The following MTCL3 variants were observed in gnomAD, a reference collection of about 807,000 sequenced individuals.
The protein encoded by MTCL3 is microtubule cross-linking factor 3.
chr6:127,515,889 G>A, the MTCL3 span: 2 of 1,611,788 alleles, frequency 1.2e-6, no homozygotes, highest in Non-Finnish European at 1.7e-6. The surrounding 1 kb of genome is among the most constrained non-coding windows in gnomAD (Gnocchi z 4.3). Context: ...CACCACCGCT[G>A]CCGCCCCCCG....
chr6:127,516,549 G>A, the MTCL3 span: 1 of 1,598,794 alleles, frequency 6.3e-7, no homozygotes, highest in Middle Eastern at 1.7e-4. Context: ...GAGCCTCAGT[G>A]GCTGCAGCGG....
chr6:127,516,883 GT>G, the MTCL3 span, among the ~76,000 whole-genome samples: 1 of 152,174 alleles, frequency 6.6e-6, no homozygotes, highest in African/African-American at 2.4e-5. Context: ...GGGTGGCGCT[GT>G]CTCCATCTCA....
chr6:127,505,672 TA>T, the MTCL3 span, among the ~76,000 whole-genome samples: 2 of 152,026 alleles, frequency 1.3e-5, no homozygotes, highest in African/African-American at 2.4e-5. Context: ...ACTTAAAAGT[TA>T]AAAAATAAAA....
the MTCL3 span, chr6:127,475,238 C>G: frequency 6.6e-7 from 1 of 1,520,090 alleles, no homozygotes; most frequent in African/African-American, 1.4e-5. The surrounding 1 kb of genome is among the most constrained non-coding windows in gnomAD (Gnocchi z 7.3). Flanking sequence ...CCCAGGGACG[C>G]GGCTCCACGG....
At chr6:127,490,328 G>A in the MTCL3 span, among the ~76,000 whole-genome samples, 152 of 152,264 alleles carry the variant, frequency 1.0e-3, 3 homozygotes, top group African/African-American at 3.6e-3. Context: ...GGAGACTAAT[G>A]TTCTTTTCAT....
chr6:127,497,317 C>T, the MTCL3 span, among the ~76,000 whole-genome samples: 1 of 152,102 alleles, frequency 6.6e-6, no homozygotes, highest in Non-Finnish European at 1.5e-5. Context: ...AATATTCAAA[C>T]AAGTAGGAAT....
the MTCL3 span, among the ~76,000 whole-genome samples, chr6:127,497,896 C>G: frequency 6.6e-6 from 1 of 152,038 alleles, no homozygotes; most frequent in Non-Finnish European, 1.5e-5. Flanking sequence ...GATCCACATG[C>G]AAAAAGATGA....
chr6:127,515,800 G>A, the MTCL3 span: 1 of 1,608,794 alleles, frequency 6.2e-7, no homozygotes, highest in Non-Finnish European at 8.5e-7. The surrounding 1 kb of genome is among the most constrained non-coding windows in gnomAD (Gnocchi z 4.3). Flanking sequence ...CGCGGCCGCC[G>A]CCGCTGCCGC....
At chr6:127,475,536 G>T in the MTCL3 span, 1 of 1,612,586 alleles carries the variant, frequency 6.2e-7, no homozygotes, top group Non-Finnish European at 8.5e-7. This position sits in a 1 kb window ranked among gnomAD's most constrained non-coding sequence, Gnocchi z 7.3. Flanking sequence ...CGATGAGCCG[G>T]TCGATGGTCT....
chr6:127,475,188 C>T, the MTCL3 span: 1 of 1,277,056 alleles, frequency 7.8e-7, no homozygotes, highest in Non-Finnish European at 1.1e-6. This position sits in a 1 kb window ranked among gnomAD's most constrained non-coding sequence, Gnocchi z 7.3. Flanking sequence ...GCGGGGGCTT[C>T]CCTCAAGCGG....
chr6:127,479,015 T>TAAAAAAAAAAAAA, the MTCL3 span, among the ~76,000 whole-genome samples: 1 of 52,332 alleles, frequency 1.9e-5, no homozygotes, highest in Non-Finnish European at 3.7e-5. Context: ...AGACTCCATC[T>TAAAAAAAAAAAAA]AAAAAAAAAA....
chr6:127,516,259 T>C, the MTCL3 span: 2 of 1,469,746 alleles, frequency 1.4e-6, no homozygotes, highest in Non-Finnish European at 1.8e-6. Flanking sequence ...AGCCACAGGC[T>C]GGACAGCTCC....
chr6:127,505,286 G>C, the MTCL3 span, among the ~76,000 whole-genome samples: 5 of 152,176 alleles, frequency 3.3e-5, no homozygotes, highest in Non-Finnish European at 5.9e-5. Flanking sequence ...ATCAATTATA[G>C]ACTGGATAAA....
At chr6:127,499,816 C>T in the MTCL3 span, among the ~76,000 whole-genome samples, 1 of 152,160 alleles carries the variant, frequency 6.6e-6, no homozygotes, top group Non-Finnish European at 1.5e-5. Context: ...CTGGCAGGCA[C>T]GCTGACAGGT....
At chr6:127,482,806 G>A in the MTCL3 span, 1 of 798,576 alleles carries the variant, frequency 1.3e-6, no homozygotes, top group Non-Finnish European at 1.9e-6. The surrounding 1 kb of genome is among the most constrained non-coding windows in gnomAD (Gnocchi z 4.1). Flanking sequence ...ATTTGACTTT[G>A]TTTTGCATAA....
At chr6:127,493,597 C>T in the MTCL3 span, among the ~76,000 whole-genome samples, 1 of 152,164 alleles carries the variant, frequency 6.6e-6, no homozygotes, top group African/African-American at 2.4e-5. Flanking sequence ...AATAAATCAG[C>T]CAGCCCTCTT....
At chr6:127,478,093 AGAG>A in the MTCL3 span, among the ~76,000 whole-genome samples, 3 of 152,208 alleles carry the variant, frequency 2.0e-5, no homozygotes, top group Non-Finnish European at 2.9e-5. Flanking sequence ...CAGCATCCAG[AGAG>A]GAGAAGAGGG....
the MTCL3 span, among the ~76,000 whole-genome samples, chr6:127,496,398 T>G: frequency 6.6e-6 from 1 of 152,092 alleles, no homozygotes; most frequent in Non-Finnish European, 1.5e-5. Context: ...AGAAAATTTT[T>G]TTTTAAAAAT....
the MTCL3 span, chr6:127,515,500 C>A: frequency 7.0e-7 from 1 of 1,426,134 alleles, no homozygotes. The surrounding 1 kb of genome is among the most constrained non-coding windows in gnomAD (Gnocchi z 4.3). Context: ...GCCGGGTCCC[C>A]CCACCCTCCT....
Sources: gnomAD v4.1 joint callset for allele counts (sites outside exome capture counted in the v4.1 genomes callset) on GRCh38, gnomAD v4.1.1 for gene constraint, Gnocchi (gnomAD v3.1) non-coding constraint, MANE v1.5 for transcripts, NCBI Gene and HGNC (gene_info 2026-07-23, HGNC 2026-07-21) for gene names.